Variants in ABL2 observed in about 807,000 individuals in gnomAD.
ABL2 encodes ABL proto-oncogene 2, non-receptor tyrosine kinase.
Under a neutral mutation model 107.7 loss-of-function variants are expected in ABL2, and 49 were observed. The ratio of observed to expected loss-of-function variants is 0.45; its 90% CI spans 0.36 to 0.58. The LOEUF is 0.58. ABL2 is among the 20% of genes least tolerant of loss of function. ABL2 has a pLI of 0.00. For missense variants in ABL2, 1,245 were observed against 1,457.0 expected (o/e 0.85, Z 2.37); for synonymous variants, 549 against 548.6 (o/e 1.00, Z -0.01).
At chr1:179,147,630 C>T (rs1408232375) in intron 1 of ABL2, among the ~76,000 whole-genome samples, 1 of 152,152 alleles carries the variant, frequency 6.6e-6, no homozygotes, top group Non-Finnish European at 1.5e-5. Flanking sequence ...AGCCAAAAAC[C>T]CTATGTTCTC....
At chr1:179,193,308 C>T (rs1329132060) in intron 1 of ABL2, among the ~76,000 whole-genome samples, 1 of 151,308 alleles carries the variant, frequency 6.6e-6, no homozygotes, top group Non-Finnish European at 1.5e-5. Flanking sequence ...TAGGCTCTTT[C>T]TAAAGGTGAA....
intron 1 of ABL2, among the ~76,000 whole-genome samples, chr1:179,187,132 A>G (rs932355977): frequency 1.3e-5 from 2 of 151,930 alleles, no homozygotes; most frequent in African/African-American, 2.4e-5. Flanking sequence ...ATGTGATTTC[A>G]TTTTTGACTC....
intron 1 of ABL2, among the ~76,000 whole-genome samples, chr1:179,172,300 A>G (rs1474944233): frequency 1.3e-5 from 2 of 152,146 alleles, no homozygotes; most frequent in African/African-American, 4.8e-5. Context: ...CTATCTATTA[A>G]CCCTTCATGA....
intron 1 of ABL2, among the ~76,000 whole-genome samples, chr1:179,167,335 C>T (rs889689352): frequency 4.6e-5 from 7 of 152,156 alleles, no homozygotes; most frequent in Admixed American, 6.5e-5. Flanking sequence ...CACATGTTCT[C>T]GCTTTTATGT....
At chr1:179,156,368 G>A (rs1658690506) in intron 1 of ABL2, among the ~76,000 whole-genome samples, 1 of 152,206 alleles carries the variant, frequency 6.6e-6, no homozygotes, top group Non-Finnish European at 1.5e-5. Context: ...TGTGTTAGAA[G>A]TAAGAAGGAG....
chr1:179,225,183 A>G (rs1236713240), intron 1 of ABL2, among the ~76,000 whole-genome samples: 1 of 152,202 alleles, frequency 6.6e-6, no homozygotes, highest in African/African-American at 2.4e-5. Flanking sequence ...AATTATTATC[A>G]CAGCTTACCC....
chr1:179,126,575 G>A lies in ABL2; in HGVS notation c.489C>T (p.Thr163=), dbSNP rs1655738081. ...GQGWVPSNYI[T]PVNSLEKHSW... Reference sequence around the variant, plus strand: ...AGTGTTTTTCCAGGCTGTTCACTGGGGTGATGTAGTTGCTTGGCACCCAGC... The same window carrying A: ...AGTGTTTTTCCAGGCTGTTCACTGGAGTGATGTAGTTGCTTGGCACCCAGC... The change falls in exon 4 of 12, where the codon ACC becomes ACT. Residue 163 remains threonine, a synonymous_variant. Coordinates refer to ENST00000502732, the MANE Select transcript of ABL2 (RefSeq NM_007314.4). The surrounding 1 kb of genome is among the most constrained non-coding windows in gnomAD (Gnocchi z 4.4). 4 of 1,613,988 alleles carry A rather than the reference G, an allele frequency of 2.5e-6. No individual in the cohort carries two copies. Among genetic ancestry groups the A allele is most frequent in the Non-Finnish European group, 2.5e-6 (3 of 1,180,014 alleles).
chr1:179,198,706 A>AC (rs1553231912), intron 1 of ABL2, among the ~76,000 whole-genome samples: 1 of 150,744 alleles, frequency 6.6e-6, no homozygotes, highest in Non-Finnish European at 1.5e-5. Context: ...AAAAAAAAAA[A>AC]AAAAAAAAAA....
At position 179,105,323 on chromosome 1, in the gene ABL2, A is replaced by G. The variant is rs1374025973; in HGVS notation, c.*2395T>C. The G allele has an allele frequency of 4.3e-6, 1 of 231,440 alleles. No homozygotes were observed. Among genetic ancestry groups the G allele is most frequent in the African/African-American group, 2.2e-5 (1 of 45,224 alleles). 14.3% of individuals were successfully genotyped at this position (231,440 alleles called of 1,614,324 possible). A position where few individuals can be genotyped will look rare whatever the true frequency, so the allele number is the denominator to read the frequency against. On this transcript the variant is annotated 3_prime_UTR_variant, in exon 12 of 12. Transcript: ENST00000502732. ...ATAGAGCCCTTGCTTAAAAAACAAA[A>G]AACAAAAAAACCCTGAAAAACAATT...
chr1:179,115,081 T>C, intron 8 of ABL2, 51 bp from the exon 9 acceptor site: 1 of 1,515,302 alleles, frequency 6.6e-7, no homozygotes. Context: ...CGATTATTTA[T>C]TTTACATAAT....
intron 1 of ABL2, among the ~76,000 whole-genome samples, chr1:179,147,753 A>T (rs1484810750): frequency 1.2e-4 from 18 of 152,160 alleles, no homozygotes; most frequent in Admixed American, 1.2e-3. Context: ...CATGTATGCT[A>T]TTCAGGTGAT....
chr1:179,168,260 A>T (rs945944348), intron 1 of ABL2, among the ~76,000 whole-genome samples: 1 of 152,216 alleles, frequency 6.6e-6, no homozygotes, highest in Non-Finnish European at 1.5e-5. Context: ...CTTTATATAA[A>T]ATAGCATGGT....
chr1:179,176,251 TA>T (rs1390824622), intron 1 of ABL2, among the ~76,000 whole-genome samples: 1 of 152,092 alleles, frequency 6.6e-6, no homozygotes, highest in African/African-American at 2.4e-5. Context: ...AAAAATAGAA[TA>T]AATAAGATCT....
At chr1:179,174,911 A>AT (rs1471005847) in intron 1 of ABL2, among the ~76,000 whole-genome samples, 2,449 of 108,164 alleles carry the variant, frequency 0.023, 49 homozygotes, top group Middle Eastern at 0.056. Context: ...AAAAAAAATA[A>AT]AATAAAAAAA....
At chr1:179,197,556 CAA>C (rs545832945) in intron 1 of ABL2, among the ~76,000 whole-genome samples, 60 of 75,844 alleles carry the variant, frequency 7.9e-4, no homozygotes, top group Admixed American at 9.2e-4. Context: ...CTGCTTGGTT[CAA>C]AAAAAAAAAA....
At chr1:179,121,483 G>C (rs1655191064) in intron 5 of ABL2, 112 bp downstream of exon 5, 1 of 1,352,228 alleles carries the variant, frequency 7.4e-7, no homozygotes, top group Admixed American at 2.0e-5. Context: ...TGATGTGCTT[G>C]GCACTAGTGG....
chr1:179,156,299 C>A (rs1273394273), intron 1 of ABL2, among the ~76,000 whole-genome samples: 1 of 152,264 alleles, frequency 6.6e-6, no homozygotes, highest in Non-Finnish European at 1.5e-5. Flanking sequence ...TATTCACTAC[C>A]CTTATTTCAG....
At chr1:179,158,244 A>G (rs1387578967) in intron 1 of ABL2, among the ~76,000 whole-genome samples, 2 of 152,224 alleles carry the variant, frequency 1.3e-5, no homozygotes, top group African/African-American at 4.8e-5. Context: ...TGGACTTTTG[A>G]GCATCACAAT....
At chr1:179,131,571 C>T in intron 2 of ABL2, 90 bp from the exon 3 acceptor site, 1 of 1,360,246 alleles carries the variant, frequency 7.4e-7, no homozygotes. Context: ...ATTTCAGCTG[C>T]TGGCTCCAGA....
Sources: allele counts gnomAD v4.1 joint callset (sites outside exome capture counted in the v4.1 genomes callset), GRCh38; gene constraint gnomAD v4.1.1; non-coding constraint Gnocchi (gnomAD v3.1); transcripts MANE v1.5; gene names NCBI Gene and HGNC (gene_info 2026-07-23, HGNC 2026-07-21).